The following RAB40C variants were observed in gnomAD, a reference collection of about 807,000 sequenced individuals.
RAB40C encodes the protein RAB40C, member RAS oncogene family, also known as ras-related protein Rab-40C.
In RAB40C, 8 loss-of-function variants were observed where a neutral mutation model predicts 28.1. The observed-to-expected ratio is 0.28, with a 90% CI of 0.17 to 0.51. The LOEUF (loss-of-function observed/expected upper bound fraction) is 0.51, where lower values mean the gene tolerates loss of function less well. RAB40C is among the 20% of genes least tolerant of loss of function. The probability of loss-of-function intolerance (pLI) is 0.97; values close to 1 mark genes in which losing one functional copy is unlikely to be tolerated. For missense variants in RAB40C, 288 were observed against 405.9 expected (o/e 0.71, Z 2.50); for synonymous variants, 201 against 171.7 (o/e 1.17, Z -1.34).
intron 1 of RAB40C, among the ~76,000 whole-genome samples, chr16:592,987 C>G (rs1002435685): frequency 6.6e-6 from 1 of 152,208 alleles, no homozygotes; most frequent in Admixed American, 6.5e-5. Flanking sequence ...GTGGCTTGGA[C>G]CAGAGGCAGA....
At chr16:624,170 T>G in intron 3 of RAB40C, 1 of 985,452 alleles carries the variant, frequency 1.0e-6, no homozygotes, top group Non-Finnish European at 1.2e-6. Context: ...CAGTTACTTC[T>G]GAGTTGTGGG....
chr16:618,067 C>A, intron 2 of RAB40C, 133 bp from the exon 3 acceptor site: 1 of 781,014 alleles, frequency 1.3e-6, no homozygotes, highest in Non-Finnish European at 2.1e-6. Flanking sequence ...AGCCGCTTAG[C>A]ACAGCCTCAT....
Position 628,012 on chromosome 16 carries a change from ATGGCCACGCCAGC to A in RAB40C, c.*393_*405del, listed in dbSNP as rs1027048632. The stretch of plus-strand genomic sequence containing the variant: ...CCGGTGGTGGTGCACTGGTGACTTC[ATGGCCACGCCAGC>A]TGCGGGGACGCACTTGGGACTCCTC... On this transcript the variant is annotated 3_prime_UTR_variant, in exon 6 of 6. Coordinates refer to ENST00000248139, the MANE Select transcript of RAB40C (RefSeq NM_021168.5). The A allele has an allele frequency of 5.3e-6, 1 of 189,006 alleles. No individual in the cohort carries two copies. The highest frequency in any genetic ancestry group is 2.3e-5 in the African/African-American group (1 of 42,940). The allele number at this position is 189,006 out of a possible 1,614,324, so 11.7% of individuals were successfully genotyped here. A position where few individuals can be genotyped will look rare whatever the true frequency, so the allele number is the denominator to read the frequency against.
At chr16:624,900 T>C in intron 3 of RAB40C, 1 of 1,277,076 alleles carries the variant, frequency 7.8e-7, no homozygotes, top group Admixed American at 2.3e-5. Context: ...AATTGGTCTC[T>C]AAGGGATGTG....
At chr16:618,471 C>T (rs887613544) in intron 3 of RAB40C, among the ~76,000 whole-genome samples, 5 of 152,254 alleles carry the variant, frequency 3.3e-5, no homozygotes, top group African/African-American at 1.2e-4. Context: ...CTCACTGCAG[C>T]CTCCCCCTCC....
intron 1 of RAB40C, chr16:596,373 G>C (rs1488834904): frequency 2.2e-6 from 1 of 455,714 alleles, no homozygotes; most frequent in African/African-American, 2.0e-5. Flanking sequence ...GCCTACCCTG[G>C]TCTGGAGCCC....
chr16:590,467 G>A (rs1309943423), intron 1 of RAB40C, 34 bp downstream of exon 1: 2 of 1,520,452 alleles, frequency 1.3e-6, no homozygotes, highest in South Asian at 1.2e-5. Context: ...GCTGCTACGC[G>A]GGGCCCGAGC....
chr16:607,037 C>T (rs561781131), intron 1 of RAB40C, among the ~76,000 whole-genome samples: 15 of 152,146 alleles, frequency 9.9e-5, no homozygotes, highest in Non-Finnish European at 1.9e-4. Context: ...CTCAGGTGGC[C>T]GAGGGTCCCA....
intron 1 of RAB40C, among the ~76,000 whole-genome samples, chr16:601,813 A>AG: frequency 7.7e-6 from 1 of 130,374 alleles, no homozygotes; most frequent in Non-Finnish European, 1.6e-5. Context: ...TGCAAAAAAA[A>AG]GTAAAAAAAA....
In RAB40C at chr16:625,453, A is replaced by C; in HGVS notation, c.286A>C (p.Ile96Leu). The change falls in exon 4 of 6, where the codon ATC becomes CTC. Residue 96 changes from isoleucine (I) to leucine (L), a missense_variant. Around this residue, in one of 3 missense-constraint regions of RAB40C, gnomAD observed 153 missense variants for 262.4 expected, o/e 0.58. Transcript: ENST00000248139. Reference protein sequence around the residue: ...GAQGILLVYDITNRWSFDGID... With the variant: ...GAQGILLVYDLTNRWSFDGID... ...GCAGGGGATCCTCTTGGTGTATGAC[A>C]TCACCAACCGCTGGTCCTTTGACGG... is the stretch of plus-strand genomic sequence containing the variant. 1 of 1,613,424 alleles carries C rather than the reference A, an allele frequency of 6.2e-7. No homozygotes were observed. The highest frequency in any genetic ancestry group is 8.5e-7 in the Non-Finnish European group (1 of 1,179,868).
At chr16:598,766 G>A (rs1172952306) in intron 1 of RAB40C, among the ~76,000 whole-genome samples, 2 of 151,970 alleles carry the variant, frequency 1.3e-5, no homozygotes, top group African/African-American at 4.8e-5. Flanking sequence ...AAGAAAAGAG[G>A]ATGGAAGAAG....
Position 597,506 on chromosome 16 carries a change from C to T in RAB40C, c.142+7073C>T, listed in dbSNP as rs563321048. On this transcript the variant is annotated intron_variant, in intron 1 of 5. Transcript: ENST00000248139. ...TTTTTTTAATTTTTATTTTTTGAGA[C>T]AGAGTCTTGCTCCGTTACCCAGGGT... is the stretch of plus-strand genomic sequence containing the variant. Among the ~76,000 whole-genome samples, 21 of 150,122 alleles carry T rather than the reference C, an allele frequency of 1.4e-4. No homozygotes were observed. In the East Asian group the frequency reaches 3.7e-3, roughly 27 times the overall value.
At chr16:590,467 G>C in intron 1 of RAB40C, 34 bp downstream of exon 1, 13 of 1,520,452 alleles carry the variant, frequency 8.6e-6, no homozygotes, top group Non-Finnish European at 1.1e-5. Flanking sequence ...GCTGCTACGC[G>C]GGGCCCGAGC....
chr16:590,971 T>C (rs1326938761), intron 1 of RAB40C, among the ~76,000 whole-genome samples: 1 of 146,288 alleles, frequency 6.8e-6, no homozygotes, highest in Non-Finnish European at 1.5e-5. Flanking sequence ...GGGAAAGATG[T>C]CATGGTCCCG....
rs574370771 is a variant in RAB40C at position 616,796 on chromosome 16, T to G, written c.143-412T>G. On this transcript the variant is annotated intron_variant, in intron 1 of 5. Transcript: ENST00000248139. ...GGGTGGAAATAAAGGCACTGCCCTT[T>G]CTCCAGGCACGCTGGAGTCCACGCC... 4.8e-5 allele frequency: 9 copies of G among 188,024 alleles called. No individual in the cohort carries two copies. The East Asian group carries it at 1.2e-3, about 24-fold the overall frequency. The allele number at this position is 188,024 out of a possible 1,614,324, so 11.6% of individuals were successfully genotyped here. A position where few individuals can be genotyped will look rare whatever the true frequency, so the allele number is the denominator to read the frequency against.
chr16:591,345 G>T (rs1202746753), intron 1 of RAB40C, among the ~76,000 whole-genome samples: 1 of 152,024 alleles, frequency 6.6e-6, no homozygotes, highest in African/African-American at 2.4e-5. Context: ...CCGAGGGAAG[G>T]TGTTATAGAT....
intron 1 of RAB40C, among the ~76,000 whole-genome samples, chr16:601,765 G>A (rs761872325): frequency 2.0e-5 from 3 of 148,224 alleles, no homozygotes; most frequent in African/African-American, 5.0e-5. Context: ...CCCTGAGGCC[G>A]GGGGTTCAGA....
chr16:620,326 G>GAGGT (rs1302007280), intron 3 of RAB40C, among the ~76,000 whole-genome samples: 2 of 152,196 alleles, frequency 1.3e-5, no homozygotes. Context: ...CCAGGAGGTG[G>GAGGT]AGGTTGCAGT....
intron 1 of RAB40C, among the ~76,000 whole-genome samples, chr16:609,121 TAAAAA>T (rs1394869891): frequency 2.0e-5 from 3 of 151,832 alleles, no homozygotes; most frequent in African/African-American, 7.3e-5. Flanking sequence ...TCTCAAAAAA[TAAAAA>T]TAAAAACGTG....
Sources: allele counts gnomAD v4.1 joint callset (sites outside exome capture counted in the v4.1 genomes callset), GRCh38; gene constraint gnomAD v4.1.1; regional missense constraint gnomAD v4.1.1; transcripts MANE v1.5; gene names NCBI Gene and HGNC (gene_info 2026-07-23, HGNC 2026-07-21).